Variants in PVR observed in about 807,000 individuals in gnomAD.
The protein encoded by PVR is poliovirus receptor.
A neutral mutation model predicts 43.3 loss-of-function variants in PVR; 39 were observed. The observed-to-expected ratio is 0.90, with a 90% CI of 0.70 to 1.18. PVR has a LOEUF of 1.18. PVR is among the 50% of genes most tolerant of loss of function. The probability of loss-of-function intolerance (pLI) is 0.00; values close to 1 mark genes in which losing one functional copy is unlikely to be tolerated. For missense variants in PVR, 480 were observed against 549.7 expected (o/e 0.87, Z 1.27); for synonymous variants, 224 against 233.2 (o/e 0.96, Z 0.36).
chr19:44,650,257 C>A, intron 3 of PVR, 152 bp downstream of exon 3: 2 of 687,412 alleles, frequency 2.9e-6, no homozygotes, highest in Non-Finnish European at 4.6e-6. Flanking sequence ...CCATTGTCTG[C>A]ACCAGCTCCC....
chr19:44,665,067 TGGAGA>T lies in PVR; in HGVS notation c.*3258_*3262del, dbSNP rs1056789554. ...TCCTTGGAGTCCACAGAGCCAGGAA[TGGAGA>T]GTGGGCCCAGAATTTTGGTATAGGT... is the stretch of plus-strand genomic sequence containing the variant. On this transcript the variant is annotated 3_prime_UTR_variant, in exon 8 of 8. Coordinates refer to ENST00000425690, the MANE Select transcript of PVR (RefSeq NM_006505.5). 6.6e-6 allele frequency: 1 copy of T among 152,110 alleles called. No individual in the cohort carries two copies. The highest frequency in any genetic ancestry group is 1.5e-5 in the Non-Finnish European group (1 of 68,010). 9.4% of individuals were successfully genotyped at this position (152,110 alleles called of 1,614,324 possible). A position where few individuals can be genotyped will look rare whatever the true frequency, so the allele number is the denominator to read the frequency against.
At position 44,662,485 on chromosome 19, in the gene PVR, G is replaced by A. The variant is rs372511371; in HGVS notation, c.*674G>A. ...TGCCCAGGCTGGTCTTGAACTCTTG[G>A]CTCCAAGTGATACTTCTGCCTTGGC... On this transcript the variant is annotated 3_prime_UTR_variant, in exon 8 of 8. Coordinates refer to ENST00000425690, the MANE Select transcript of PVR (RefSeq NM_006505.5). 1 of 152,564 alleles carries A rather than the reference G, an allele frequency of 6.6e-6. No individual in the cohort carries two copies. Among genetic ancestry groups the A allele is most frequent in the Non-Finnish European group, 1.5e-5 (1 of 68,396 alleles). The allele number at this position is 152,564 out of a possible 1,614,324, so 9.5% of individuals were successfully genotyped here.
intron 3 of PVR, chr19:44,653,633 C>T: frequency 2.6e-6 from 1 of 385,782 alleles, no homozygotes; most frequent in Non-Finnish European, 4.9e-6. Context: ...CTGCAGGACA[C>T]CCAAGACATG....
At chr19:44,652,672 G>A (rs1159257347) in intron 3 of PVR, among the ~76,000 whole-genome samples, 1 of 151,706 alleles carries the variant, frequency 6.6e-6, no homozygotes, top group African/African-American at 2.4e-5. Context: ...GTGAGCCACC[G>A]CACCCGGCCT....
Position 44,647,303 on chromosome 19 carries a change from C to T in PVR, c.160C>T (p.Pro54Ser), listed in dbSNP as rs1198467632. Residue 54 changes from proline to serine, a missense_variant, in exon 2 of 8, where the codon CCC becomes TCC. Physicochemically the swap from Pro to Ser is moderately conservative, Grantham distance 74. Transcript: ENST00000425690. ...GACGCTGCCCTGCTACCTACAGGTG[C>T]CCAACATGGAGGTGACGCATGTGTC... ...SVTLPCYLQV[P>S]NMEVTHVSQL... 1 of 1,601,522 alleles carries T rather than the reference C, an allele frequency of 6.2e-7. No homozygotes were observed.
In PVR at chr19:44,662,015, C is replaced by G; in HGVS notation, c.*204C>G. The G allele has an allele frequency of 3.4e-6, 2 of 585,490 alleles. No individual in the cohort carries two copies. The highest frequency in any genetic ancestry group is 4.1e-5 in the South Asian group (2 of 48,716). 36.3% of individuals were successfully genotyped at this position (585,490 alleles called of 1,614,324 possible). A position where few individuals can be genotyped will look rare whatever the true frequency, so the allele number is the denominator to read the frequency against. Reference sequence around the variant, plus strand: ...TCATTTGCTAGAAGGACTCACTAGACTCAGGAAAGCTGTTAGGCTCACAGT... The same window carrying G: ...TCATTTGCTAGAAGGACTCACTAGAGTCAGGAAAGCTGTTAGGCTCACAGT... On this transcript the variant is annotated 3_prime_UTR_variant, in exon 8 of 8. Transcript: ENST00000425690.
At chr19:44,656,538 ACATACGT>A (rs1444634978) in intron 4 of PVR, among the ~76,000 whole-genome samples, 3 of 152,232 alleles carry the variant, frequency 2.0e-5, no homozygotes, top group Non-Finnish European at 4.4e-5. Context: ...CAATTAACCA[ACATACGT>A]TGGTCGATAA....
chr19:44,655,779 T>C (rs1401134889), intron 4 of PVR, among the ~76,000 whole-genome samples: 1 of 152,124 alleles, frequency 6.6e-6, no homozygotes, highest in Non-Finnish European at 1.5e-5. Flanking sequence ...CTGTGCTTGC[T>C]TTATCACGTT....
At chr19:44,645,789 C>T (rs913735861) in intron 1 of PVR, among the ~76,000 whole-genome samples, 3 of 151,746 alleles carry the variant, frequency 2.0e-5, no homozygotes, top group South Asian at 2.1e-4. Flanking sequence ...GGCAAGACCC[C>T]ATCTCTACAA....
Position 44,644,090 on chromosome 19 carries a change from A to G in PVR, c.-7A>G, listed in dbSNP as rs1051001303. The G allele has an allele frequency of 9.3e-6, 14 of 1,510,828 alleles. No individual in the cohort carries two copies. The highest frequency in any genetic ancestry group is 1.1e-5 in the Non-Finnish European group (12 of 1,135,982). 93.6% of individuals were successfully genotyped at this position (1,510,828 alleles called of 1,614,324 possible). ...CGCGGGAGGCCCAGCTGCTCGGAGC[A>G]ACTGGCATGGCCCGAGCCATGGCCG... On this transcript the variant is annotated 5_prime_UTR_variant, in exon 1 of 8. Transcript: ENST00000425690.
intron 1 of PVR, among the ~76,000 whole-genome samples, chr19:44,646,663 G>A (rs563957641): frequency 1.8e-4 from 28 of 152,102 alleles, no homozygotes; most frequent in African/African-American, 6.7e-4. Flanking sequence ...TCCCAGCTAC[G>A]CGGAAAGCTG....
At chr19:44,653,664 A>T (rs765908044) in intron 3 of PVR, 1 of 468,690 alleles carries the variant, frequency 2.1e-6, no homozygotes, top group South Asian at 3.7e-5. Flanking sequence ...GCTACCCAGG[A>T]AAGCTAGTGG....
At chr19:44,653,339 G>C (rs1973333767) in intron 3 of PVR, among the ~76,000 whole-genome samples, 1 of 151,936 alleles carries the variant, frequency 6.6e-6, no homozygotes, top group Non-Finnish European at 1.5e-5. Context: ...ATTCCCTCAG[G>C]TACTGTCTAT....
rs1973356239 is a variant in PVR, at chr19:44,653,927, A to G, written c.752A>G (p.Tyr251Cys). ...CCCCCAGAGGTATCCATCTCTGGCT[A>G]TGATAACAACTGGTACCTTGGCCAG... ...YYPPEVSISGYDNNWYLGQNE... is the reference protein window; with the variant it reads ...YYPPEVSISGCDNNWYLGQNE... The change falls in exon 4 of 8, where the codon TAT (tyrosine) becomes TGT (cysteine). Residue 251 changes from tyrosine to cysteine, a missense_variant. Coordinates refer to ENST00000425690, the MANE Select transcript of PVR (RefSeq NM_006505.5). The G allele has an allele frequency of 1.9e-6, 3 of 1,614,000 alleles. No homozygotes were observed. Among genetic ancestry groups the G allele is most frequent in the Non-Finnish European group, 2.5e-6 (3 of 1,179,866 alleles).
intron 2 of PVR, 43 bp downstream of exon 2, chr19:44,647,613 TTGG>T: frequency 1.1e-5 from 16 of 1,516,362 alleles, no homozygotes; most frequent in Non-Finnish European, 1.4e-5. Context: ...AGGCAGAGAC[TTGG>T]TGGGAGGATC....
intron 2 of PVR, among the ~76,000 whole-genome samples, chr19:44,649,316 G>T (rs112755633): frequency 0.02 from 3,044 of 152,042 alleles, 113 homozygotes; most frequent in African/African-American, 0.067. Context: ...CATTGCCTGT[G>T]ATCCCATCAC....
At chr19:44,653,522 A>T (rs894355260) in intron 3 of PVR, among the ~76,000 whole-genome samples, 1 of 152,216 alleles carries the variant, frequency 6.6e-6, no homozygotes, top group Non-Finnish European at 1.5e-5. Context: ...GAGCAGGGTT[A>T]TCTGGGACTC....
chr19:44,645,055 A>AAC (rs1973044241), intron 1 of PVR, among the ~76,000 whole-genome samples: 2 of 110,754 alleles, frequency 1.8e-5, no homozygotes, highest in African/African-American at 7.3e-5. Flanking sequence ...TAAAATATAT[A>AAC]ATATATATTA....
intron 3 of PVR, among the ~76,000 whole-genome samples, chr19:44,651,128 G>A (rs1208289652): frequency 2.0e-5 from 3 of 152,034 alleles, no homozygotes; most frequent in Non-Finnish European, 2.9e-5. Flanking sequence ...TCAGTCTCCC[G>A]AAGTGCTGAG....
Sources: allele counts gnomAD v4.1 joint callset (sites outside exome capture counted in the v4.1 genomes callset), GRCh38; gene constraint gnomAD v4.1.1; transcripts MANE v1.5; gene names NCBI Gene and HGNC (gene_info 2026-07-23, HGNC 2026-07-21).